ALDOB: variants seen among roughly 807,000 people sequenced by gnomAD.
ALDOB encodes the protein aldolase, fructose-bisphosphate B, also known as fructose-bisphosphate aldolase B.
A neutral mutation model predicts 41.0 loss-of-function variants in ALDOB; 39 were observed. That is an observed-to-expected ratio of 0.95 (90% CI 0.74 to 1.24). The LOEUF (loss-of-function observed/expected upper bound fraction) is 1.24, where lower values mean the gene tolerates loss of function less well. Ranked by LOEUF, ALDOB falls within the 50% of genes most tolerant of loss-of-function variation. The pLI is 0.00. For synonymous variants in ALDOB, 175 were observed against 168.8 expected (o/e 1.04, Z -0.28); for missense variants, 530 against 457.3 (o/e 1.16, Z -1.45).
At position 101,421,717 on chromosome 9, in the gene ALDOB, A is replaced by G. The variant is rs916630845; in HGVS notation, c.*92T>C. 5 of 961,080 alleles carry G rather than the reference A, an allele frequency of 5.2e-6. No homozygotes were observed. The African/African-American group carries it at 8.0e-5, about 15-fold the overall frequency. 59.5% of individuals were successfully genotyped at this position (961,080 alleles called of 1,614,324 possible). On this transcript the variant is annotated 3_prime_UTR_variant, in exon 9 of 9. Transcript: ENST00000647789. ...GTTGTATTTCCAGCAGTTCAAATCT[A>G]ATTGTGTCGAATTTCCAGGATTGGA...
intron 8 of ALDOB, 124 bp from the exon 9 acceptor site, chr9:101,422,028 T>A: frequency 1.3e-6 from 1 of 770,160 alleles, no homozygotes. Context: ...ACAGCAATGT[T>A]GCTGAATATT....
At chr9:101,435,021 A>G (rs1274473118) in intron 1 of ALDOB, among the ~76,000 whole-genome samples, 2 of 152,160 alleles carry the variant, frequency 1.3e-5, no homozygotes, top group African/African-American at 4.8e-5. Flanking sequence ...AAAATACACA[A>G]CCTTTTGATT....
intron 1 of ALDOB, among the ~76,000 whole-genome samples, chr9:101,432,108 T>C (rs1831228205): frequency 6.6e-6 from 1 of 152,228 alleles, no homozygotes. Flanking sequence ...ATTTTCTGCA[T>C]CCCTTCAGGG....
chr9:101,425,339 G>T, intron 7 of ALDOB, 114 bp downstream of exon 7: 2 of 1,299,926 alleles, frequency 1.5e-6, no homozygotes, highest in African/African-American at 1.5e-5. Context: ...CTGCCTGTGA[G>T]ATAACAGAGG....
rs757253588 is a variant in ALDOB, at chr9:101,426,686, A to T, written c.541-48T>A. 2.6e-6 allele frequency: 3 copies of T among 1,163,518 alleles called. No homozygotes were observed. In the African/African-American group the frequency reaches 4.5e-5, roughly 18 times the overall value. The allele number at this position is 1,163,518 out of a possible 1,614,324, so 72.1% of individuals were successfully genotyped here. A position where few individuals can be genotyped will look rare whatever the true frequency, so the allele number is the denominator to read the frequency against. ...CAAAAGTGAAGCTGTGCTCACTGTT[A>T]TCCTTTCCTTAGGAGGAGATTCAAC... is the stretch of plus-strand genomic sequence containing the variant. On this transcript the variant is annotated intron_variant, in intron 5 of 8. Coordinates refer to ENST00000647789, the MANE Select transcript of ALDOB (RefSeq NM_000035.4).
intron 3 of ALDOB, 65 bp downstream of exon 3, chr9:101,429,678 GTTGGCCCTGTCC>G: frequency 2.3e-6 from 3 of 1,305,668 alleles, no homozygotes; most frequent in Non-Finnish European, 3.3e-6. Context: ...TGTTCAGAGT[GTTGGCCCTGTCC>G]TTGCCAGTGT....
At chr9:101,432,411 G>A (rs532447985) in intron 1 of ALDOB, among the ~76,000 whole-genome samples, 1 of 152,212 alleles carries the variant, frequency 6.6e-6, no homozygotes, top group South Asian at 2.1e-4. Context: ...TTTTAGCTTT[G>A]GACCTGGCCT....
chr9:101,430,026 C>T (rs1831195000), intron 2 of ALDOB, 60 bp from the exon 3 acceptor site: 1 of 1,411,662 alleles, frequency 7.1e-7, no homozygotes, highest in Non-Finnish European at 1.0e-6. Flanking sequence ...TGTCACCCTT[C>T]TCCACATCAT....
rs190631679 is a variant in ALDOB, at chr9:101,430,854, G to A, written c.34C>T (p.Gln12Ter). 1 of 1,614,118 alleles carries A rather than the reference G, an allele frequency of 6.2e-7. No homozygotes were observed. The highest frequency in any genetic ancestry group is 8.5e-7 in the Non-Finnish European group (1 of 1,180,000). Residue 12 changes from glutamine to a stop codon, truncating the protein, a stop_gained, in exon 2 of 9, where the codon CAG becomes TAG. Transcript: ENST00000647789. LOFTEE classifies it high-confidence loss of function. ...AHRFPALTQE[Q>*]KKELSEIAQS... ...GCAATTTCTGAGAGCTCCTTCTTCT[G>A]CTCCTGGGTGAGGGCTGGAAATCGG...
At chr9:101,434,065 C>T (rs1831258159) in intron 1 of ALDOB, among the ~76,000 whole-genome samples, 1 of 152,180 alleles carries the variant, frequency 6.6e-6, no homozygotes, top group South Asian at 2.1e-4. Flanking sequence ...AGCCACTGCA[C>T]CCGGCCACAT....
chr9:101,422,490 T>C (rs1226624319), intron 8 of ALDOB, among the ~76,000 whole-genome samples: 2 of 152,222 alleles, frequency 1.3e-5, no homozygotes, highest in Non-Finnish European at 2.9e-5. Context: ...CTGTGTTTCA[T>C]GGTCTACCAG....
At chr9:101,430,166 G>A (rs139536782) in intron 2 of ALDOB, among the ~76,000 whole-genome samples, 200 bp from the exon 3 acceptor site, 1 of 152,250 alleles carries the variant, frequency 6.6e-6, no homozygotes, top group Non-Finnish European at 1.5e-5. Context: ...GGAGTATGTG[G>A]GCTGGGCATA....
chr9:101,430,641 C>CT, intron 2 of ALDOB, 135 bp downstream of exon 2: 1 of 728,220 alleles, frequency 1.4e-6, no homozygotes, highest in Non-Finnish European at 2.4e-6. Context: ...AAGCTCTACG[C>CT]TTACTGAGTC....
In ALDOB at chr9:101,425,486, C is replaced by T. The variant is rs201551409; in HGVS notation, c.766G>A (p.Ala256Thr). Residue 256 changes from alanine to threonine, a missense_variant, in exon 7 of 9, where the codon GCT (alanine) becomes ACT (threonine). Physicochemically the swap from Ala to Thr is moderately conservative, Grantham distance 58. Coordinates refer to ENST00000647789, the MANE Select transcript of ALDOB (RefSeq NM_000035.4). ...PEQVAMATVT[A>T]LHRTVPAAVP... is the part of the protein sequence containing the mutation. ...GCTGCAGGAACAGTACGGTGGAGAG[C>T]TGTTACGGTGGCCATAGCTACTTGT... 1 of 1,614,176 alleles carries T rather than the reference C, an allele frequency of 6.2e-7. No homozygotes were observed.
chr9:101,430,795 C>G lies in ALDOB; in HGVS notation c.93G>C (p.Leu31=). The G allele has an allele frequency of 6.2e-7, 1 of 1,613,674 alleles. No homozygotes were observed. The highest frequency in any genetic ancestry group is 8.5e-7 in the Non-Finnish European group (1 of 1,179,564). Residue 31 remains leucine (L), a synonymous_variant, in exon 2 of 9, where the codon CTG becomes CTC. Transcript: ENST00000647789. The part of the protein sequence containing the change: ...QSIVANGKGI[L]AADESVGTMG... ...ACTCACCTACAGATTCATCTGCAGC[C>G]AGGATCCCCTTTCCATTGGCAACAA...
At chr9:101,435,180 G>A (rs547555937) in intron 1 of ALDOB, among the ~76,000 whole-genome samples, 126 of 152,256 alleles carry the variant, frequency 8.3e-4, no homozygotes, top group Non-Finnish European at 1.5e-3. Context: ...TTCCTCATTT[G>A]AGCAGTGGGT....
chr9:101,424,706 TGC>T, intron 8 of ALDOB, 135 bp downstream of exon 8: 1 of 1,013,392 alleles, frequency 9.9e-7, no homozygotes. Flanking sequence ...TGACCTCTAC[TGC>T]CACATTTTCA....
intron 8 of ALDOB, 91 bp downstream of exon 8, chr9:101,424,752 T>C (rs1831096997): frequency 4.0e-6 from 6 of 1,487,846 alleles, no homozygotes; most frequent in Non-Finnish European, 4.7e-6. Context: ...AGATACCTTC[T>C]TGGCCCAAAG....
rs756715653 is a variant in ALDOB at position 101,429,749 on chromosome 9, G to A, written c.324+6C>T. On this transcript the variant is annotated splice_donor_region_variant and intron_variant, in intron 3 of 8. Transcript: ENST00000647789. ...GCAGAAGTGAGGTGTGAATGGAGGT[G>A]TTCACCTTGATTCCCACCACGATCC... 3.7e-6 allele frequency: 6 copies of A among 1,613,758 alleles called. No homozygotes were observed. In the African/African-American group the frequency reaches 6.7e-5, roughly 18 times the overall value.
Sources: allele counts gnomAD v4.1 joint callset (sites outside exome capture counted in the v4.1 genomes callset), GRCh38; gene constraint gnomAD v4.1.1; transcripts MANE v1.5; gene names NCBI Gene and HGNC (gene_info 2026-07-23, HGNC 2026-07-21).